Variants in MICU3 observed in about 807,000 individuals in gnomAD.
MICU3 encodes calcium uptake protein 3, mitochondrial.
Under a neutral mutation model 66.5 loss-of-function variants are expected in MICU3, and 62 were observed. The observed-to-expected ratio is 0.93, with a 90% CI of 0.76 to 1.15. The LOEUF is 1.15. Ranked by LOEUF, MICU3 falls within the 50% of genes most tolerant of loss-of-function variation. MICU3 has a pLI of 0.00. For missense variants in MICU3, 779 were observed against 664.4 expected (o/e 1.17, Z -1.90); for synonymous variants, 308 against 240.7 (o/e 1.28, Z -2.59).
At chr8:17,092,462 A>C (rs1451123577) in intron 8 of MICU3, among the ~76,000 whole-genome samples, 1 of 152,004 alleles carries the variant, frequency 6.6e-6, no homozygotes, top group Non-Finnish European at 1.5e-5. Context: ...TTAAATAAAA[A>C]ATTATGATTT....
intron 7 of MICU3, 83 bp from the exon 8 acceptor site, chr8:17,090,463 C>A: frequency 2.6e-6 from 3 of 1,165,404 alleles, no homozygotes; most frequent in South Asian, 2.7e-5. Context: ...ATTATTTTGT[C>A]GTCTTTTTCC....
chr8:17,109,120 C>A (rs1351803838), intron 11 of MICU3, among the ~76,000 whole-genome samples: 1 of 152,138 alleles, frequency 6.6e-6, no homozygotes, highest in South Asian at 2.1e-4. Flanking sequence ...GATACTCCCT[C>A]TCCTGGCTGT....
chr8:17,066,498 T>G (rs1207254065), intron 2 of MICU3, among the ~76,000 whole-genome samples: 1 of 144,972 alleles, frequency 6.9e-6, no homozygotes, highest in African/African-American at 2.6e-5. Context: ...AAGCTATTCT[T>G]TAAGTGATTG....
At chr8:17,060,838 C>T (rs914859352) in intron 1 of MICU3, among the ~76,000 whole-genome samples, 1 of 151,010 alleles carries the variant, frequency 6.6e-6, no homozygotes, top group Non-Finnish European at 1.5e-5. Flanking sequence ...AAACCCTTTC[C>T]AAACTCCTTA....
At chr8:17,041,795 A>G (rs1225991698) in intron 1 of MICU3, among the ~76,000 whole-genome samples, 2 of 152,222 alleles carry the variant, frequency 1.3e-5, no homozygotes, top group Non-Finnish European at 2.9e-5. Context: ...GATGGAATGC[A>G]AGGACACTAT....
the MICU3 span, among the ~76,000 whole-genome samples, chr8:17,136,288 G>T: frequency 1.4e-3 from 209 of 152,038 alleles, 1 homozygote; most frequent in Middle Eastern, 0.037. Flanking sequence ...TATGAATCAC[G>T]GACAGCAACA....
At chr8:17,123,393 G>A (rs1803313464), downstream of MICU3, among the ~76,000 whole-genome samples, 1 of 151,990 alleles carries the variant, frequency 6.6e-6, no homozygotes, top group African/African-American at 2.4e-5. Flanking sequence ...AAATAGAATA[G>A]AAAAGATAAG....
At chr8:17,110,438 C>G (rs1042071377) in intron 11 of MICU3, among the ~76,000 whole-genome samples, 2 of 151,952 alleles carry the variant, frequency 1.3e-5, no homozygotes, top group African/African-American at 2.4e-5. Flanking sequence ...TCTCCTCAGT[C>G]CCTGGCAACC....
chr8:17,033,942 T>C (rs571695383), intron 1 of MICU3, among the ~76,000 whole-genome samples: 1 of 152,290 alleles, frequency 6.6e-6, no homozygotes, highest in Non-Finnish European at 1.5e-5. Flanking sequence ...GTGGTTACAC[T>C]GAACAACAGA....
chr8:17,135,099 G>A, the MICU3 span, among the ~76,000 whole-genome samples: 1,117 of 152,220 alleles, frequency 7.3e-3, 13 homozygotes, highest in African/African-American at 0.025. Flanking sequence ...ACCTATTGTT[G>A]CTTTTAAGAA....
intron 13 of MICU3, among the ~76,000 whole-genome samples, chr8:17,117,320 T>C (rs1402638371): frequency 6.6e-6 from 1 of 152,164 alleles, no homozygotes; most frequent in South Asian, 2.1e-4. Flanking sequence ...TCTAGGTAAC[T>C]TGATGCTCTT....
downstream of MICU3, among the ~76,000 whole-genome samples, chr8:17,124,186 C>T (rs1803343502): frequency 6.6e-6 from 1 of 152,102 alleles, no homozygotes; most frequent in Non-Finnish European, 1.5e-5. Flanking sequence ...ACATGTTTCC[C>T]CTCCACTATC....
At chr8:17,117,301 C>G (rs1384904398) in intron 13 of MICU3, among the ~76,000 whole-genome samples, 1 of 152,124 alleles carries the variant, frequency 6.6e-6, no homozygotes, top group Admixed American at 6.6e-5. Flanking sequence ...TTAGATGACA[C>G]AGATTTCCTC....
intron 1 of MICU3, among the ~76,000 whole-genome samples, chr8:17,042,074 T>C (rs550872211): frequency 6.6e-6 from 1 of 152,324 alleles, no homozygotes; most frequent in South Asian, 2.1e-4. Context: ...AACTTGCTCA[T>C]GAAATGCAGT....
intron 2 of MICU3, among the ~76,000 whole-genome samples, chr8:17,066,517 C>CTATATATATATATATATATATATATATA (rs71212675): frequency 9.5e-6 from 1 of 105,062 alleles, no homozygotes; most frequent in African/African-American, 4.1e-5. Flanking sequence ...TGTTAATAAT[C>CTATATATATATATATATATATATATATA]TATATATATA....
chr8:17,066,784 C>A (rs1479469853), intron 2 of MICU3, among the ~76,000 whole-genome samples: 3 of 151,846 alleles, frequency 2.0e-5, no homozygotes, highest in Non-Finnish European at 4.4e-5. Context: ...TGGGCTCGAG[C>A]AGTCCACCTG....
chr8:17,063,137 A>T (rs1274854802), intron 1 of MICU3, among the ~76,000 whole-genome samples: 1 of 152,160 alleles, frequency 6.6e-6, no homozygotes, highest in Non-Finnish European at 1.5e-5. Context: ...TTACTGAATG[A>T]TATATATGGT....
chr8:17,075,462 T>G (rs1225775750), intron 3 of MICU3, among the ~76,000 whole-genome samples: 1 of 152,032 alleles, frequency 6.6e-6, no homozygotes, highest in Non-Finnish European at 1.5e-5. Flanking sequence ...GGATTTAGAG[T>G]CTGCTTCCTA....
intron 1 of MICU3, among the ~76,000 whole-genome samples, chr8:17,031,262 T>TTTATTG (rs1554502336): frequency 7.2e-6 from 1 of 139,194 alleles, no homozygotes; most frequent in Non-Finnish European, 1.5e-5. Context: ...TGCCACTTCA[T>TTTATTG]TTATTATTAT....
Sources: gnomAD v4.1 joint callset for allele counts (sites outside exome capture counted in the v4.1 genomes callset) on GRCh38, gnomAD v4.1.1 for gene constraint, MANE v1.5 for transcripts, NCBI Gene and HGNC (gene_info 2026-07-23, HGNC 2026-07-21) for gene names.